Variants in TTLL9 observed in about 807,000 individuals in gnomAD.
TTLL9 encodes probable tubulin polyglutamylase TTLL9.
A neutral mutation model predicts 65.6 loss-of-function variants in TTLL9; 47 were observed. The observed-to-expected ratio is 0.72, with a 90% confidence interval of 0.57 to 0.91. The LOEUF (loss-of-function observed/expected upper bound fraction) is 0.91. Ranked by LOEUF, TTLL9 falls within the 40% of genes least tolerant of loss-of-function variation. The probability of loss-of-function intolerance (pLI) is 0.00; values close to 1 mark genes in which losing one functional copy is unlikely to be tolerated. For synonymous variants in TTLL9, 179 were observed against 204.8 expected (o/e 0.87, Z 1.07); for missense variants, 537 against 568.8 (o/e 0.94, Z 0.57).
intron 10 of TTLL9, among the ~76,000 whole-genome samples, chr20:31,932,667 A>C (rs1005002588): frequency 3.3e-5 from 5 of 152,056 alleles, no homozygotes; most frequent in African/African-American, 1.2e-4. Context: ...AAATGCCCCA[A>C]GTAAGTCCTG....
At chr20:31,914,067 C>T (rs1002556857) in intron 6 of TTLL9, among the ~76,000 whole-genome samples, 5 of 152,224 alleles carry the variant, frequency 3.3e-5, no homozygotes, top group Non-Finnish European at 7.3e-5. Context: ...CGGCAGCGAG[C>T]GTTCTTGGCA....
chr20:31,872,107 G>C (rs1410849586), intron 2 of TTLL9, among the ~76,000 whole-genome samples: 1 of 152,118 alleles, frequency 6.6e-6, no homozygotes, highest in Non-Finnish European at 1.5e-5. Context: ...CTCAGATCTA[G>C]GAGGGAAGGC....
chr20:31,898,499 A>G lies in TTLL9; in HGVS notation c.140A>G (p.Lys47Arg). ...EREQRASIRF[K>R]TTLMNTLMDV... ...GAGCAGAGAGCATCGATCCGGTTCA[A>G]GACCACCCTCATGAACACACTCATG... Residue 47 changes from lysine to arginine, a missense_variant, in exon 4 of 15, where the codon AAG becomes AGG. Transcript: ENST00000535842. 1.2e-6 allele frequency: 2 copies of G among 1,614,194 alleles called. No homozygotes were observed. Among genetic ancestry groups the G allele is most frequent in the Non-Finnish European group, 1.7e-6 (2 of 1,180,028 alleles).
At chr20:31,918,102 A>T (rs372678505) in intron 6 of TTLL9, among the ~76,000 whole-genome samples, 2 of 151,902 alleles carry the variant, frequency 1.3e-5, no homozygotes, top group Admixed American at 1.3e-4. Flanking sequence ...GGCCCATTGT[A>T]TGAGGGCGAA....
intron 3 of TTLL9, among the ~76,000 whole-genome samples, chr20:31,891,148 C>G (rs2063302884): frequency 6.6e-6 from 1 of 152,166 alleles, no homozygotes; most frequent in African/African-American, 2.4e-5. Context: ...GGTGACCCTG[C>G]AAAGTGTGTT....
intron 3 of TTLL9, among the ~76,000 whole-genome samples, chr20:31,890,251 A>G (rs903739364): frequency 6.8e-6 from 1 of 146,608 alleles, no homozygotes; most frequent in African/African-American, 2.5e-5. Context: ...TACCCTTTCT[A>G]GCAGTCTTAT....
intron 6 of TTLL9, among the ~76,000 whole-genome samples, chr20:31,910,205 C>T (rs2063626052): frequency 6.6e-6 from 1 of 152,336 alleles, no homozygotes; most frequent in Admixed American, 6.5e-5. Context: ...GCTTTACCTG[C>T]GTTACCCCAG....
intron 3 of TTLL9, among the ~76,000 whole-genome samples, chr20:31,894,610 C>T (rs1015045247): frequency 1.3e-5 from 2 of 151,942 alleles, no homozygotes; most frequent in African/African-American, 4.8e-5. Context: ...TAGAACTGCA[C>T]TCTGGATATT....
rs150969874 is a variant in TTLL9 at position 31,922,593 on chromosome 20, G to A, written c.574-370G>A. Among the ~76,000 whole-genome samples the A allele has an allele frequency of 8.5e-5, 13 of 152,284 alleles. No individual in the cohort carries two copies. In the East Asian group the frequency reaches 2.3e-3, roughly 27 times the overall value. ...TTATTTCACTTAGCCTTATGTCTTCGAATTTCATCCATGTTGTAGCATGTA... is the reference window on the plus strand; with the variant it reads ...TTATTTCACTTAGCCTTATGTCTTCAAATTTCATCCATGTTGTAGCATGTA... On this transcript the variant is annotated intron_variant, in intron 7 of 14. Transcript: ENST00000535842.
intron 13 of TTLL9, among the ~76,000 whole-genome samples, chr20:31,938,726 A>C (rs2064157695): frequency 6.6e-6 from 1 of 152,130 alleles, no homozygotes; most frequent in Admixed American, 6.5e-5. Context: ...AAAAATACAA[A>C]AATTAGCTGG....
intron 8 of TTLL9, among the ~76,000 whole-genome samples, chr20:31,923,954 T>C (rs1206886785): frequency 6.6e-6 from 1 of 152,112 alleles, no homozygotes; most frequent in Non-Finnish European, 1.5e-5. Flanking sequence ...GCCTGTGACA[T>C]CCGTCTTGGG....
At chr20:31,939,090 G>C in intron 13 of TTLL9, 52 bp from the exon 14 acceptor site, 1 of 1,512,258 alleles carries the variant, frequency 6.6e-7, no homozygotes, top group Non-Finnish European at 8.9e-7. Context: ...TTGGGTCTTA[G>C]GGCTCTGCCA....
chr20:31,925,948 A>G (rs1211732958), intron 9 of TTLL9, 101 bp from the exon 10 acceptor site: 1 of 1,568,978 alleles, frequency 6.4e-7, no homozygotes, highest in Admixed American at 1.9e-5. Context: ...ACTGAACAGC[A>G]TTGATGACCA....
At chr20:31,890,653 G>A (rs552811726) in intron 3 of TTLL9, among the ~76,000 whole-genome samples, 155 of 152,298 alleles carry the variant, frequency 1.0e-3, no homozygotes, top group Non-Finnish European at 1.8e-3. Context: ...GTGCATCATC[G>A]ACAGGTAATT....
intron 3 of TTLL9, among the ~76,000 whole-genome samples, chr20:31,890,138 C>CT (rs2063278578): frequency 1.4e-4 from 5 of 34,988 alleles, no homozygotes; most frequent in African/African-American, 5.0e-4. Flanking sequence ...TCCTTCCTTC[C>CT]TTCCTTCCTT....
intron 2 of TTLL9, chr20:31,872,883 A>G (rs1349637647): frequency 4.5e-6 from 2 of 444,140 alleles, no homozygotes; most frequent in African/African-American, 4.0e-5. Flanking sequence ...AGGAGCACAT[A>G]TGGCCATGAT....
intron 10 of TTLL9, among the ~76,000 whole-genome samples, chr20:31,930,105 G>T (rs549790548): frequency 2.8e-4 from 43 of 152,230 alleles, no homozygotes; most frequent in East Asian, 7.7e-4. Context: ...TCCAGCCTGA[G>T]CAACAGAGCA....
At chr20:31,871,046 C>A in intron 1 of TTLL9, 76 bp from the exon 2 acceptor site, 1 of 1,358,284 alleles carries the variant, frequency 7.4e-7, no homozygotes, top group Non-Finnish European at 1.1e-6. Context: ...CCCTCCTGTT[C>A]ACTCATTCAC....
At chr20:31,877,235 T>A (rs1364334032) in intron 2 of TTLL9, among the ~76,000 whole-genome samples, 9 of 152,170 alleles carry the variant, frequency 5.9e-5, no homozygotes, top group Admixed American at 4.6e-4. Flanking sequence ...GCCTCCTGGG[T>A]TCAAGTGATT....
Sources: allele counts gnomAD v4.1 joint callset (sites outside exome capture counted in the v4.1 genomes callset), GRCh38; gene constraint gnomAD v4.1.1; transcripts MANE v1.5; gene names NCBI Gene and HGNC (gene_info 2026-07-23, HGNC 2026-07-21).